Variants in MRPL1 observed in about 807,000 individuals in gnomAD.
The protein encoded by MRPL1 is mitochondrial ribosomal protein L1.
In MRPL1, 28 loss-of-function variants were observed where a neutral mutation model predicts 38.0. The ratio of observed to expected loss-of-function variants is 0.74; its 90% CI spans 0.55 to 1.01. The LOEUF (loss-of-function observed/expected upper bound fraction) is 1.01, where lower values mean the gene tolerates loss of function less well. Ranked by LOEUF, MRPL1 falls within the 50% of genes least tolerant of loss-of-function variation. The pLI is 0.00. For missense variants in MRPL1, 358 were observed against 389.8 expected, an observed-to-expected ratio of 0.92 and a Z score of 0.69; for synonymous variants, 123 against 126.7, an observed-to-expected ratio of 0.97 and a Z score of 0.20.
chr4:77,867,934 T>C (rs1466348216), intron 1 of MRPL1, among the ~76,000 whole-genome samples: 1 of 151,768 alleles, frequency 6.6e-6, no homozygotes, highest in African/African-American at 2.4e-5. Context: ...TTTTTTGTAT[T>C]TTTAGTAGAG....
chr4:77,943,684 T>C (rs1441009395), intron 7 of MRPL1, among the ~76,000 whole-genome samples: 1 of 152,182 alleles, frequency 6.6e-6, no homozygotes, highest in East Asian at 1.9e-4. Context: ...ACAGTGCATT[T>C]TGCATTTCTT....
intron 1 of MRPL1, 52 bp downstream of exon 1, chr4:77,862,931 G>C (rs1735035757): frequency 6.2e-7 from 1 of 1,611,288 alleles, no homozygotes; most frequent in Non-Finnish European, 8.5e-7. Context: ...CCGAGTCTCT[G>C]GTTGCAGCAG....
At chr4:77,883,081 T>A (rs1405330237) in intron 2 of MRPL1, among the ~76,000 whole-genome samples, 161 bp from the exon 3 acceptor site, 1 of 152,238 alleles carries the variant, frequency 6.6e-6, no homozygotes, top group Non-Finnish European at 1.5e-5. Flanking sequence ...AAAAGTTCAC[T>A]TCATGTTTGT....
At chr4:77,886,150 G>A (rs778223275) in intron 4 of MRPL1, among the ~76,000 whole-genome samples, 13 of 151,974 alleles carry the variant, frequency 8.6e-5, no homozygotes, top group Non-Finnish European at 1.3e-4. Flanking sequence ...TATCCCTGAT[G>A]CATTTAATTG....
chr4:77,911,300 A>T (rs142006222), intron 7 of MRPL1, among the ~76,000 whole-genome samples: 1 of 152,094 alleles, frequency 6.6e-6, no homozygotes, highest in Admixed American at 6.6e-5. Flanking sequence ...TTAATAGTTT[A>T]TGTAGATCCT....
intron 7 of MRPL1, among the ~76,000 whole-genome samples, chr4:77,914,215 A>C (rs968902874): frequency 4.6e-5 from 7 of 152,226 alleles, no homozygotes; most frequent in Admixed American, 1.3e-4. Flanking sequence ...AGCCAGACAC[A>C]GAAACTACTT....
At chr4:77,899,857 G>A (rs1735998229) in intron 6 of MRPL1, among the ~76,000 whole-genome samples, 1 of 152,186 alleles carries the variant, frequency 6.6e-6, no homozygotes, top group Non-Finnish European at 1.5e-5. Context: ...TTAAATAGCA[G>A]TAAGGGATAG....
chr4:77,922,471 G>C (rs10428319), intron 7 of MRPL1, among the ~76,000 whole-genome samples: 33,265 of 151,980 alleles, frequency 0.22, 4,401 homozygotes, highest in African/African-American at 0.36. Context: ...ACATGATCTG[G>C]CTTCTAAAAG....
chr4:77,895,695 A>C (rs889509578), intron 6 of MRPL1, among the ~76,000 whole-genome samples: 6 of 152,114 alleles, frequency 3.9e-5, no homozygotes, highest in Admixed American at 3.3e-4. Context: ...TGACCTGTAA[A>C]TTAAATTCAA....
chr4:77,919,520 AAGAAAAG>A (rs1338228538), intron 7 of MRPL1, among the ~76,000 whole-genome samples: 52 of 152,158 alleles, frequency 3.4e-4, no homozygotes, highest in Non-Finnish European at 1.5e-4. Context: ...TTCAAAAACA[AAGAAAAG>A]TGATAGCATT....
intron 2 of MRPL1, among the ~76,000 whole-genome samples, chr4:77,872,726 G>A (rs549284342): frequency 7.2e-5 from 11 of 152,324 alleles, no homozygotes; most frequent in Admixed American, 2.6e-4. Context: ...GGCCGGGTGT[G>A]GGGGCAGGCA....
Position 77,949,851 on chromosome 4 carries a change from G to T in MRPL1, c.832G>T (p.Val278Phe). ...AANLQAVINE[V>F]CRHRPLNLGP... ...CAATCTGCAAGCAGTTATTAATGAA[G>T]TTTGTAGGCACAGACCGCTGAATTT... Residue 278 changes from valine to phenylalanine, a missense_variant, in exon 8 of 9, where the codon GTT becomes TTT. By Grantham distance (50) the Val-to-Phe change is conservative. Coordinates refer to ENST00000315567, the MANE Select transcript of MRPL1 (RefSeq NM_020236.4). 6.2e-7 allele frequency: 1 copy of T among 1,611,404 alleles called. No individual in the cohort carries two copies. The highest frequency in any genetic ancestry group is 8.5e-7 in the Non-Finnish European group (1 of 1,178,574).
chr4:77,869,246 A>T (rs1356118883), intron 1 of MRPL1, among the ~76,000 whole-genome samples: 1 of 152,198 alleles, frequency 6.6e-6, no homozygotes, highest in Non-Finnish European at 1.5e-5. Flanking sequence ...TTTCTATCTC[A>T]TTGCCACGGG....
At chr4:77,897,758 T>C (rs1365663100) in intron 6 of MRPL1, among the ~76,000 whole-genome samples, 1 of 152,238 alleles carries the variant, frequency 6.6e-6, no homozygotes, top group African/African-American at 2.4e-5. Flanking sequence ...ACTTCAGGGT[T>C]TTGTTTGCAT....
chr4:77,905,219 G>A (rs1736126742), intron 6 of MRPL1, among the ~76,000 whole-genome samples: 1 of 152,080 alleles, frequency 6.6e-6, no homozygotes, highest in African/African-American at 2.4e-5. Flanking sequence ...ATACGTGGCT[G>A]GGCGCAGTGA....
At chr4:77,876,961 C>T (rs937404787) in intron 2 of MRPL1, among the ~76,000 whole-genome samples, 4 of 152,078 alleles carry the variant, frequency 2.6e-5, no homozygotes, top group Non-Finnish European at 5.9e-5. Context: ...AATGCAATGG[C>T]GTGATCTTGG....
chr4:77,949,745 A>G (rs1187893169), intron 7 of MRPL1, 52 bp from the exon 8 acceptor site: 3 of 1,229,420 alleles, frequency 2.4e-6, no homozygotes, highest in Admixed American at 3.8e-5. Flanking sequence ...AGAATAATTT[A>G]TTATCTTCTT....
chr4:77,867,996 T>G (rs1431385520), intron 1 of MRPL1, among the ~76,000 whole-genome samples: 1 of 151,984 alleles, frequency 6.6e-6, no homozygotes, highest in African/African-American at 2.4e-5. Flanking sequence ...GACCTCGTGA[T>G]CCGCCCACCT....
chr4:77,903,863 A>G lies in MRPL1; in HGVS notation c.671-5403A>G, dbSNP rs1017094274. Reference sequence around the variant, plus strand: ...TTTCTATAGATTGAATGTAATCCCAACCAAACTCCCAGAAAGCTTTAAAAA... The same window carrying G: ...TTTCTATAGATTGAATGTAATCCCAGCCAAACTCCCAGAAAGCTTTAAAAA... On this transcript the variant is annotated intron_variant, in intron 6 of 8. Coordinates refer to ENST00000315567, the MANE Select transcript of MRPL1 (RefSeq NM_020236.4). Among the ~76,000 whole-genome samples, 9 of 152,178 alleles carry G rather than the reference A, an allele frequency of 5.9e-5. No individual in the cohort carries two copies. The South Asian group carries it at 1.5e-3, about 25-fold the overall frequency.
Sources: gnomAD v4.1 joint callset for allele counts (sites outside exome capture counted in the v4.1 genomes callset) on GRCh38, gnomAD v4.1.1 for gene constraint, MANE v1.5 for transcripts, NCBI Gene and HGNC (gene_info 2026-07-23, HGNC 2026-07-21) for gene names.